Variants in CPQ observed in about 807,000 individuals in gnomAD.
The protein encoded by CPQ is carboxypeptidase Q.
A neutral mutation model predicts 45.7 loss-of-function variants in CPQ; 37 were observed. That is an observed-to-expected ratio of 0.81 (90% CI 0.62 to 1.07). The LOEUF (loss-of-function observed/expected upper bound fraction) is 1.07. CPQ is among the 50% of genes least tolerant of loss of function. The probability of loss-of-function intolerance (pLI) is 0.00; values close to 1 mark genes in which losing one functional copy is unlikely to be tolerated. For missense variants in CPQ, 537 were observed against 572.9 expected (o/e 0.94, Z 0.64); for synonymous variants, 186 against 205.8 (o/e 0.90, Z 0.82).
chr8:96,994,083 A>G (rs1331211699), intron 5 of CPQ, among the ~76,000 whole-genome samples: 1 of 152,132 alleles, frequency 6.6e-6, no homozygotes, highest in Non-Finnish European at 1.5e-5. Context: ...GTTGAAATAG[A>G]AAATAAAAAT....
chr8:97,029,279 C>T (rs569911877), intron 5 of CPQ, 124 bp from the exon 6 acceptor site: 423 of 876,136 alleles, frequency 4.8e-4, no homozygotes, highest in Non-Finnish European at 6.5e-4. Context: ...GACAACCACA[C>T]CAGTGAGAGT....
intron 1 of CPQ, among the ~76,000 whole-genome samples, chr8:96,724,543 A>G (rs1809810107): frequency 6.6e-6 from 1 of 151,718 alleles, no homozygotes; most frequent in Non-Finnish European, 1.5e-5. Context: ...GAATACATCT[A>G]ACAAAGGAGG....
At chr8:96,723,116 CATTATA>C (rs1228706195) in intron 1 of CPQ, among the ~76,000 whole-genome samples, 1 of 152,038 alleles carries the variant, frequency 6.6e-6, no homozygotes, top group Non-Finnish European at 1.5e-5. Context: ...CCAAGTAACA[CATTATA>C]ATTATGTTTT....
chr8:96,684,873 G>A (rs1809204888), intron 1 of CPQ, among the ~76,000 whole-genome samples: 1 of 152,202 alleles, frequency 6.6e-6, no homozygotes, highest in African/African-American at 2.4e-5. Context: ...GCTGAGGTGG[G>A]TGTATCACGA....
chr8:96,672,326 C>T (rs1809015088), intron 1 of CPQ, among the ~76,000 whole-genome samples: 1 of 152,128 alleles, frequency 6.6e-6, no homozygotes, highest in Non-Finnish European at 1.5e-5. Context: ...ATGTACTAGA[C>T]ACTGTTCTAG....
chr8:96,984,392 C>T (rs1813966712), intron 5 of CPQ, among the ~76,000 whole-genome samples: 1 of 152,118 alleles, frequency 6.6e-6, no homozygotes, highest in Admixed American at 6.6e-5. Flanking sequence ...CTGTTTAGGT[C>T]ATGAGGGATC....
At chr8:97,064,615 G>C (rs1355667016) in intron 6 of CPQ, among the ~76,000 whole-genome samples, 4 of 152,028 alleles carry the variant, frequency 2.6e-5, no homozygotes, top group African/African-American at 9.7e-5. Context: ...GGTGTCCCAG[G>C]GCCCTGCATT....
chr8:97,024,626 T>C (rs572247370), intron 5 of CPQ, among the ~76,000 whole-genome samples: 1 of 152,284 alleles, frequency 6.6e-6, no homozygotes, highest in Admixed American at 6.5e-5. Context: ...TGCTCATAAA[T>C]TATACGACAG....
chr8:96,980,774 C>G (rs934282500), intron 5 of CPQ, among the ~76,000 whole-genome samples: 3 of 152,148 alleles, frequency 2.0e-5, no homozygotes, highest in African/African-American at 7.2e-5. Context: ...CAAACCTTCA[C>G]CCCAGTGTAG....
At chr8:97,006,143 T>C (rs1809377392) in intron 5 of CPQ, among the ~76,000 whole-genome samples, 1 of 152,132 alleles carries the variant, frequency 6.6e-6, no homozygotes, top group Admixed American at 6.6e-5. Flanking sequence ...CTGTGGTTTT[T>C]TTGTGGGGTT....
chr8:97,031,943 A>T (rs973898324), intron 6 of CPQ, among the ~76,000 whole-genome samples: 1 of 152,238 alleles, frequency 6.6e-6, no homozygotes, highest in Non-Finnish European at 1.5e-5. Flanking sequence ...GATTCTTATG[A>T]TTAGCATATT....
At chr8:96,946,710 C>G (rs2130330789) in intron 4 of CPQ, among the ~76,000 whole-genome samples, 1 of 151,928 alleles carries the variant, frequency 6.6e-6, no homozygotes, top group African/African-American at 2.4e-5. Flanking sequence ...CTTCCTGGGT[C>G]AGTACGCCAC....
intron 5 of CPQ, among the ~76,000 whole-genome samples, chr8:96,984,634 G>GT (rs990429550): frequency 6.6e-6 from 1 of 152,178 alleles, no homozygotes; most frequent in African/African-American, 2.4e-5. Flanking sequence ...AAATTACTCA[G>GT]TCTCAGGAAT....
chr8:96,696,531 G>T (rs1554557005), intron 1 of CPQ, among the ~76,000 whole-genome samples: 1 of 151,614 alleles, frequency 6.6e-6, no homozygotes, highest in Non-Finnish European at 1.5e-5. Flanking sequence ...GATCAGAGCA[G>T]AAATAAATAA....
chr8:97,064,117 G>A (rs191190193), intron 6 of CPQ, among the ~76,000 whole-genome samples: 4 of 152,266 alleles, frequency 2.6e-5, no homozygotes, highest in South Asian at 2.1e-4. Context: ...AACCTACACA[G>A]TACATGACTA....
chr8:97,099,351 G>A (rs934144398), intron 7 of CPQ, among the ~76,000 whole-genome samples: 4 of 151,574 alleles, frequency 2.6e-5, no homozygotes, highest in African/African-American at 4.8e-5. Flanking sequence ...GGCTGGTCTC[G>A]AACTCCTGAC....
intron 2 of CPQ, among the ~76,000 whole-genome samples, chr8:96,826,147 G>T (rs1419631587): frequency 6.6e-6 from 1 of 151,944 alleles, no homozygotes; most frequent in Non-Finnish European, 1.5e-5. Context: ...ACAATTCTTT[G>T]TCATTTAGTC....
chr8:96,765,676 A>G (rs758493701), intron 1 of CPQ, among the ~76,000 whole-genome samples: 1 of 152,216 alleles, frequency 6.6e-6, no homozygotes, highest in Non-Finnish European at 1.5e-5. Flanking sequence ...ACTATCCAGT[A>G]GGATCCTGAA....
At chr8:96,793,541 G>A (rs954544497) in intron 2 of CPQ, among the ~76,000 whole-genome samples, 1 of 152,146 alleles carries the variant, frequency 6.6e-6, no homozygotes, top group African/African-American at 2.4e-5. Flanking sequence ...ATCAGAGTTG[G>A]GTTGGGACAT....
Sources: gnomAD v4.1 joint callset for allele counts (sites outside exome capture counted in the v4.1 genomes callset) on GRCh38, gnomAD v4.1.1 for gene constraint, MANE v1.5 for transcripts, NCBI Gene and HGNC (gene_info 2026-07-23, HGNC 2026-07-21) for gene names.